ASIC2: variants seen among roughly 807,000 people sequenced by gnomAD.
ASIC2 encodes the protein acid-sensing ion channel 2.
In ASIC2, 25 loss-of-function variants were observed where a neutral mutation model predicts 57.3. That is an observed-to-expected ratio of 0.44 (90% confidence interval 0.32 to 0.61). The LOEUF (loss-of-function observed/expected upper bound fraction) is 0.61, where lower values mean the gene tolerates loss of function less well. ASIC2 is among the 20% of genes least tolerant of loss of function. ASIC2 has a pLI of 0.06. For missense variants in ASIC2, 641 were observed against 738.1 expected, an observed-to-expected ratio of 0.87 and a Z score of 1.52; for synonymous variants, 319 against 307.5, an observed-to-expected ratio of 1.04 and a Z score of -0.39.
intron 1 of ASIC2, among the ~76,000 whole-genome samples, chr17:33,148,433 TA>T (rs1904653226): frequency 6.6e-6 from 1 of 152,196 alleles, no homozygotes; most frequent in Non-Finnish European, 1.5e-5. Context: ...TCCTTTCACC[TA>T]AACATTAGGA....
At chr17:33,058,544 C>G (rs1217521254) in intron 3 of ASIC2, among the ~76,000 whole-genome samples, 1 of 150,658 alleles carries the variant, frequency 6.6e-6, no homozygotes, top group Non-Finnish European at 1.5e-5. Flanking sequence ...CTTCTTATCA[C>G]TTCACTTTGA....
intron 1 of ASIC2, among the ~76,000 whole-genome samples, chr17:33,881,874 A>T (rs1914708591): frequency 6.6e-6 from 1 of 152,248 alleles, no homozygotes; most frequent in Admixed American, 6.5e-5. Flanking sequence ...GCAAGGCTAC[A>T]GTAACCAACA....
At chr17:33,897,722 A>T (rs921091647) in intron 1 of ASIC2, among the ~76,000 whole-genome samples, 3 of 152,188 alleles carry the variant, frequency 2.0e-5, no homozygotes, top group Non-Finnish European at 2.9e-5. Context: ...CTGAAATTCT[A>T]GTTTCCTAGC....
chr17:33,596,469 C>A (rs1189170817), intron 1 of ASIC2, among the ~76,000 whole-genome samples: 1 of 152,084 alleles, frequency 6.6e-6, no homozygotes, highest in Non-Finnish European at 1.5e-5. Flanking sequence ...AGGGTAGGAG[C>A]AAGAATAAAG....
At chr17:33,160,660 A>AG (rs11432019) in intron 1 of ASIC2, among the ~76,000 whole-genome samples, 39,188 of 151,940 alleles carry the variant, frequency 0.26, 5,147 homozygotes, top group East Asian at 0.4. Flanking sequence ...CATCTGAGAG[A>AG]GGTGGGACAG....
At position 33,371,637 on chromosome 17, in the gene ASIC2, A is replaced by G. The variant is rs74701376; in HGVS notation, c.556-259570T>C. Among the ~76,000 whole-genome samples the G allele has an allele frequency of 5.6e-4, 86 of 152,302 alleles. 4 individuals carry two copies. In the East Asian group the frequency reaches 0.016, roughly 29 times the overall value. ...TACTGGTGCTCATCAGGGCCAGCAG[A>G]GGAATTCAAACGATGTGACATGTCT... On this transcript the variant is annotated intron_variant, in intron 1 of 9. Transcript: ENST00000359872.
intron 1 of ASIC2, among the ~76,000 whole-genome samples, chr17:33,607,061 C>T (rs554086421): frequency 6.6e-6 from 1 of 152,210 alleles, no homozygotes; most frequent in African/African-American, 2.4e-5. Flanking sequence ...TCCCTAGTAC[C>T]AATTTGACCC....
intron 1 of ASIC2, among the ~76,000 whole-genome samples, chr17:33,318,349 C>T (rs988778604): frequency 6.6e-6 from 1 of 152,148 alleles, no homozygotes; most frequent in Non-Finnish European, 1.5e-5. Flanking sequence ...TACCACTGAG[C>T]CTGTCTTACC....
intron 1 of ASIC2, among the ~76,000 whole-genome samples, chr17:33,141,061 C>T (rs2056105572): frequency 6.6e-6 from 1 of 152,080 alleles, no homozygotes; most frequent in African/African-American, 2.4e-5. Context: ...AGAGAGTCGC[C>T]TGTCTCCCTC....
intron 3 of ASIC2, among the ~76,000 whole-genome samples, chr17:33,061,831 A>G (rs2092022061): frequency 6.6e-6 from 1 of 152,152 alleles, no homozygotes; most frequent in Admixed American, 6.5e-5. Context: ...TATTGCCTCA[A>G]TTTCAGAGCC....
intron 1 of ASIC2, among the ~76,000 whole-genome samples, chr17:34,097,667 G>T (rs541547819): frequency 6.6e-6 from 1 of 152,218 alleles, no homozygotes; most frequent in East Asian, 1.9e-4. Flanking sequence ...TTTTTTTGTG[G>T]TTTTTTAAAG....
At chr17:33,225,758 C>G (rs371840552) in intron 1 of ASIC2, among the ~76,000 whole-genome samples, 11 of 152,186 alleles carry the variant, frequency 7.2e-5, no homozygotes, top group African/African-American at 2.7e-4. Flanking sequence ...GCTAAGGCAA[C>G]ACTGGCCATA....
chr17:33,241,782 G>A (rs1020041031), intron 1 of ASIC2, among the ~76,000 whole-genome samples: 3 of 152,146 alleles, frequency 2.0e-5, no homozygotes, highest in South Asian at 2.1e-4. Flanking sequence ...AGGAATGCAT[G>A]GCCCCTGTCC....
intron 1 of ASIC2, among the ~76,000 whole-genome samples, chr17:33,620,651 T>C (rs1414038331): frequency 1.3e-5 from 2 of 152,204 alleles, no homozygotes; most frequent in Non-Finnish European, 2.9e-5. Flanking sequence ...AAAAACAATT[T>C]AGAAAACATT....
chr17:33,641,899 A>T (rs1436662889), intron 1 of ASIC2, among the ~76,000 whole-genome samples: 1 of 152,228 alleles, frequency 6.6e-6, no homozygotes, highest in Non-Finnish European at 1.5e-5. Flanking sequence ...TCTATCACCC[A>T]GGGCTGTGGA....
At chr17:33,342,587 T>G (rs1597690826) in intron 1 of ASIC2, among the ~76,000 whole-genome samples, 2 of 152,194 alleles carry the variant, frequency 1.3e-5, no homozygotes, top group East Asian at 3.9e-4. Flanking sequence ...ATGATGGTCC[T>G]ACTCTCCATT....
intron 1 of ASIC2, among the ~76,000 whole-genome samples, chr17:33,280,309 C>T (rs1485574014): frequency 6.6e-6 from 1 of 152,118 alleles, no homozygotes; most frequent in African/African-American, 2.4e-5. Flanking sequence ...GAATATTCAA[C>T]AACAACAAAA....
At chr17:33,141,570 G>T (rs1284791950) in intron 1 of ASIC2, among the ~76,000 whole-genome samples, 1 of 152,142 alleles carries the variant, frequency 6.6e-6, no homozygotes, top group East Asian at 1.9e-4. Flanking sequence ...TGTGACTGTG[G>T]GTTTGACCCA....
At chr17:33,263,939 AG>A (rs76592092) in intron 1 of ASIC2, among the ~76,000 whole-genome samples, 13,904 of 152,250 alleles carry the variant, frequency 0.091, 820 homozygotes, top group South Asian at 0.23. Context: ...GCCTGGGAAT[AG>A]ATGAGTGGTG....
Sources: allele counts gnomAD v4.1 joint callset (sites outside exome capture counted in the v4.1 genomes callset), GRCh38; gene constraint gnomAD v4.1.1; transcripts MANE v1.5; gene names NCBI Gene and HGNC (gene_info 2026-07-23, HGNC 2026-07-21).